Variants in RINT1 observed in about 807,000 individuals in gnomAD.
The protein encoded by RINT1 is RAD50 interactor 1.
RINT1 carries 75 observed loss-of-function variants against 97.7 expected under a neutral mutation model. That is an observed-to-expected ratio of 0.77 (90% CI 0.64 to 0.93). The LOEUF (loss-of-function observed/expected upper bound fraction) is 0.93, where lower values mean the gene tolerates loss of function less well. Ranked by LOEUF, RINT1 falls within the 40% of genes least tolerant of loss-of-function variation. The pLI, the probability that RINT1 is intolerant of heterozygous loss-of-function variation, is 0.00. For synonymous variants in RINT1, 303 were observed against 326.3 expected, an observed-to-expected ratio of 0.93 and a Z score of 0.77; for missense variants, 892 against 925.2, an observed-to-expected ratio of 0.96 and a Z score of 0.47.
At chr7:105,545,097 A>G (rs1008547986) in intron 4 of RINT1, among the ~76,000 whole-genome samples, 9 of 151,762 alleles carry the variant, frequency 5.9e-5, no homozygotes, top group African/African-American at 2.2e-4. Context: ...AGCTTTTCCT[A>G]TGTTGTAAAT....
At position 105,545,889 on chromosome 7, in the gene RINT1, C is replaced by T. The variant is rs188379500; in HGVS notation, c.516-1021C>T. Among the ~76,000 whole-genome samples the T allele has an allele frequency of 7.5e-3, 1,074 of 142,484 alleles. 11 individuals carry two copies. Among genetic ancestry groups the T allele is most frequent in the Admixed American group, 0.031 (437 of 14,168 alleles). The allele number at this position is 142,484 out of a possible 152,430, so 93.5% of individuals were successfully genotyped here. On this transcript the variant is annotated intron_variant, in intron 4 of 14. Transcript: ENST00000257700. ...CATGATCTTGGCTCACTGCAACCTC[C>T]GCCTCCCGGGTTCAAGCAGTTCTCC... is the stretch of plus-strand genomic sequence containing the variant.
At chr7:105,563,677 A>G in intron 11 of RINT1, 56 bp from the exon 12 acceptor site, 9 of 1,405,802 alleles carry the variant, frequency 6.4e-6, no homozygotes, top group African/African-American at 1.4e-5. Flanking sequence ...TATGAATTCT[A>G]TTTCAAACTG....
intron 9 of RINT1, 49 bp from the exon 10 acceptor site, chr7:105,551,521 G>A (rs199987284): frequency 4.1e-6 from 6 of 1,463,094 alleles, no homozygotes; most frequent in Middle Eastern, 1.8e-4. Flanking sequence ...GAATAATTAG[G>A]AACGACTGTA....
chr7:105,559,828 T>A (rs1241280615), intron 11 of RINT1, among the ~76,000 whole-genome samples: 1 of 152,240 alleles, frequency 6.6e-6, no homozygotes, highest in Non-Finnish European at 1.5e-5. Context: ...AAGTAAAAAT[T>A]ATTAAAGCTC....
At chr7:105,555,466 T>A (rs1007386042) in intron 11 of RINT1, 5 of 334,008 alleles carry the variant, frequency 1.5e-5, no homozygotes, top group Non-Finnish European at 2.8e-5. Context: ...TTTCATGAAA[T>A]AGTTGTTTAT....
At chr7:105,558,254 C>A (rs1183434846) in intron 11 of RINT1, among the ~76,000 whole-genome samples, 1 of 144,936 alleles carries the variant, frequency 6.9e-6, no homozygotes, top group African/African-American at 2.5e-5. Context: ...GAGAATACGC[C>A]ATTGCACTCC....
chr7:105,536,478 G>A (rs938991209), intron 2 of RINT1, 87 bp from the exon 3 acceptor site: 38 of 963,914 alleles, frequency 3.9e-5, no homozygotes, highest in Non-Finnish European at 5.4e-5. Context: ...ACTTTTGAAG[G>A]CAGATAAACT....
chr7:105,546,888 A>T, intron 4 of RINT1, 22 bp from the exon 5 acceptor site: 1 of 1,564,706 alleles, frequency 6.4e-7, no homozygotes. Context: ...AGAAAAAAAA[A>T]TTTGCTTTAC....
chr7:105,567,632 C>T lies in RINT1; in HGVS notation c.*321C>T, dbSNP rs1791826265. ...TTTCCTGTGCTAATTAAGGGAAATT[C>T]TGTTGTGGATAATCAAACATAGCCA... is the stretch of plus-strand genomic sequence containing the variant. On this transcript the variant is annotated 3_prime_UTR_variant, in exon 15 of 15. Coordinates refer to ENST00000257700, the MANE Select transcript of RINT1 (RefSeq NM_021930.6). The T allele has an allele frequency of 1.8e-6, 1 of 554,920 alleles. No homozygotes were observed. The highest frequency in any genetic ancestry group is 2.9e-5 in the East Asian group (1 of 34,540). 34.4% of individuals were successfully genotyped at this position (554,920 alleles called of 1,614,324 possible). A position where few individuals can be genotyped will look rare whatever the true frequency, so the allele number is the denominator to read the frequency against.
In RINT1 at chr7:105,547,834, T is replaced by C. The variant is rs143737693; in HGVS notation, c.839+501T>C. 2.5e-3 allele frequency among the ~76,000 whole-genome samples: 385 copies of C among 151,594 alleles called. 3 individuals carry two copies. Among genetic ancestry groups the C allele is most frequent in the African/African-American group, 9.0e-3 (372 of 41,350 alleles). On this transcript the variant is annotated intron_variant, in intron 6 of 14. Coordinates refer to ENST00000257700, the MANE Select transcript of RINT1 (RefSeq NM_021930.6). ...CCTCCACCTCCCGGGTTCAAGCGAT[T>C]CTCCTGCCTCAGCCTCCCGAGTAGC...
At chr7:105,541,574 G>C (rs1208059936) in intron 3 of RINT1, 1 of 151,738 alleles carries the variant, frequency 6.6e-6, no homozygotes, top group Non-Finnish European at 1.5e-5. Context: ...TCAGGAGTTC[G>C]AGATCAGCCT....
chr7:105,559,097 A>G (rs1360003162), intron 11 of RINT1, among the ~76,000 whole-genome samples: 2 of 152,040 alleles, frequency 1.3e-5, no homozygotes, highest in Non-Finnish European at 2.9e-5. Context: ...TAGCATGGTT[A>G]TGATGGTGCA....
chr7:105,548,037 C>G (rs1005333950), intron 6 of RINT1, among the ~76,000 whole-genome samples: 4 of 151,564 alleles, frequency 2.6e-5, no homozygotes, highest in Non-Finnish European at 5.9e-5. Flanking sequence ...CATTTTTGTG[C>G]TTTTTTTAAA....
At chr7:105,548,746 G>C (rs748504058) in intron 7 of RINT1, 36 bp downstream of exon 7, 1 of 1,558,200 alleles carries the variant, frequency 6.4e-7, no homozygotes, top group South Asian at 1.2e-5. Context: ...GGTTTTTATT[G>C]GTAACAAATG....
At chr7:105,554,319 C>T (rs1324871066) in intron 10 of RINT1, among the ~76,000 whole-genome samples, 2 of 152,288 alleles carry the variant, frequency 1.3e-5, no homozygotes, top group African/African-American at 2.4e-5. Context: ...AGGTGTGAGC[C>T]ACCGTGCCCG....
rs1586271193 is a variant in RINT1 at position 105,565,092 on chromosome 7, T to A, written c.1887-185T>A. ...TTGGATATATCCCCATATTAAAGAG[T>A]ATTTGAGAGTGAAAATATAAATACA... On this transcript the variant is annotated intron_variant, in intron 12 of 14. Coordinates refer to ENST00000257700, the MANE Select transcript of RINT1 (RefSeq NM_021930.6). 6.3e-6 allele frequency: 3 copies of A among 475,170 alleles called. No homozygotes were observed. In the East Asian group the frequency reaches 9.2e-5, roughly 15 times the overall value. The allele number at this position is 475,170 out of a possible 1,614,324, so 29.4% of individuals were successfully genotyped here.
chr7:105,555,016 C>T lies in RINT1; in HGVS notation c.1472-12C>T, dbSNP rs1554364761. ...CCAAAACCTTCATATGTCTTAATAA[C>T]TTTTTCCACAGACAGGTATAAAAAT... is the stretch of plus-strand genomic sequence containing the variant. On this transcript the variant is annotated splice_polypyrimidine_tract_variant and intron_variant, in intron 10 of 14. Coordinates refer to ENST00000257700, the MANE Select transcript of RINT1 (RefSeq NM_021930.6). 6.2e-7 allele frequency: 1 copy of T among 1,610,058 alleles called. No homozygotes were observed. Among genetic ancestry groups the T allele is most frequent in the Non-Finnish European group, 8.5e-7 (1 of 1,177,814 alleles).
At chr7:105,552,739 T>C (rs938041488) in intron 10 of RINT1, among the ~76,000 whole-genome samples, 8 of 140,010 alleles carry the variant, frequency 5.7e-5, no homozygotes, top group African/African-American at 2.1e-4. Context: ...AGTGGCATGA[T>C]CTCGGCTCAC....
At position 105,565,606 on chromosome 7, in the gene RINT1, T is replaced by C; in HGVS notation, c.2144T>C (p.Leu715Ser). ...GATATGACTCGGAATCTTTTCCCTT[T>C]GTTTTCTCACTATTGCAAGAGACCA... The part of the protein sequence containing the change: ...QFDMTRNLFP[L>S]FSHYCKRPEN... Residue 715 changes from leucine to serine, a missense_variant, in exon 14 of 15, where the codon TTG becomes TCG. Physicochemically the swap from Leu to Ser is moderately radical, Grantham distance 145 (BLOSUM62 -2). Coordinates refer to ENST00000257700, the MANE Select transcript of RINT1 (RefSeq NM_021930.6). The C allele has an allele frequency of 6.2e-7, 1 of 1,613,818 alleles. No homozygotes were observed. The highest frequency in any genetic ancestry group is 8.5e-7 in the Non-Finnish European group (1 of 1,179,806).
Sources: gnomAD v4.1 joint callset for allele counts (sites outside exome capture counted in the v4.1 genomes callset) on GRCh38, gnomAD v4.1.1 for gene constraint, MANE v1.5 for transcripts, NCBI Gene and HGNC (gene_info 2026-07-23, HGNC 2026-07-21) for gene names.